NELL1: variants seen among roughly 807,000 people sequenced by gnomAD.
NELL1 encodes neural EGFL like 1, also known as protein kinase C-binding protein NELL1.
Under a neutral mutation model 107.4 loss-of-function variants are expected in NELL1, and 76 were observed. The ratio of observed to expected loss-of-function variants is 0.71; its 90% CI spans 0.59 to 0.86. NELL1 has a LOEUF of 0.86. Among genes scored for constraint, NELL1 ranks in the 40% least tolerant of loss-of-function variants. NELL1 has a pLI of 0.00. For synonymous variants in NELL1, 353 were observed against 341.2 expected (o/e 1.03, Z -0.38); for missense variants, 1,024 against 1,005.5 (o/e 1.02, Z -0.25).
At chr11:20,933,866 T>TAGA (rs1850667970) in intron 9 of NELL1, among the ~76,000 whole-genome samples, 1 of 152,202 alleles carries the variant, frequency 6.6e-6, no homozygotes, top group Admixed American at 6.5e-5. Context: ...GCATAACTCT[T>TAGA]TATATCCTCA....
intron 12 of NELL1, among the ~76,000 whole-genome samples, chr11:20,984,016 A>G (rs1851801647): frequency 1.3e-5 from 2 of 151,962 alleles, no homozygotes; most frequent in East Asian, 1.9e-4. Flanking sequence ...ACTCCTTACT[A>G]GCTTCACTTA....
At chr11:20,780,732 G>T (rs1564906229) in intron 2 of NELL1, among the ~76,000 whole-genome samples, 1 of 152,312 alleles carries the variant, frequency 6.6e-6, no homozygotes, top group East Asian at 1.9e-4. Flanking sequence ...GAGGCCAGAA[G>T]ATTGCATTTA....
intron 10 of NELL1, among the ~76,000 whole-genome samples, chr11:20,944,273 CA>C: frequency 6.6e-6 from 1 of 152,156 alleles, no homozygotes; most frequent in Middle Eastern, 3.4e-3. Flanking sequence ...ACCAATTAGT[CA>C]AAAAACAAAC....
intron 4 of NELL1, among the ~76,000 whole-genome samples, chr11:20,848,943 A>G (rs1243560442): frequency 6.6e-6 from 1 of 152,218 alleles, no homozygotes; most frequent in African/African-American, 2.4e-5. Flanking sequence ...TCCACCAGAT[A>G]TAATAAATAT....
chr11:20,946,415 T>G (rs2134197254), intron 10 of NELL1, among the ~76,000 whole-genome samples: 1 of 152,316 alleles, frequency 6.6e-6, no homozygotes, highest in African/African-American at 2.4e-5. Flanking sequence ...GAATAATTTT[T>G]ACAAATTGGC....
At chr11:21,153,933 T>C (rs932985918) in intron 13 of NELL1, among the ~76,000 whole-genome samples, 3 of 152,292 alleles carry the variant, frequency 2.0e-5, no homozygotes, top group Middle Eastern at 3.4e-3. Flanking sequence ...GAGACAGCCA[T>C]TGATTAATTG....
intron 15 of NELL1, among the ~76,000 whole-genome samples, chr11:21,472,681 T>C (rs975226445): frequency 6.6e-6 from 1 of 152,008 alleles, no homozygotes; most frequent in Non-Finnish European, 1.5e-5. Flanking sequence ...ATACTTATTT[T>C]TTTCTTTTCT....
Position 20,678,980 on chromosome 11 carries a change from A to G in NELL1, c.184+920A>G, listed in dbSNP as rs1464884090. Among the ~76,000 whole-genome samples, 4 of 152,356 alleles carry G rather than the reference A, an allele frequency of 2.6e-5. No individual in the cohort carries two copies. The East Asian group carries it at 7.7e-4, about 29-fold the overall frequency. ...GATGGGGTCTCACAGCATTCTGAAT[A>G]GAGGAAATAGTATATATAAAGGTAA... On this transcript the variant is annotated intron_variant, in intron 2 of 19. Coordinates refer to ENST00000357134, the MANE Select transcript of NELL1 (RefSeq NM_006157.5).
At chr11:21,426,756 ATAT>A (rs1564888427) in intron 15 of NELL1, among the ~76,000 whole-genome samples, 1 of 152,162 alleles carries the variant, frequency 6.6e-6, no homozygotes, top group Non-Finnish European at 1.5e-5. Flanking sequence ...GCTATTGTAA[ATAT>A]TATGGTAATA....
chr11:21,165,668 A>G (rs1399183289), intron 13 of NELL1, among the ~76,000 whole-genome samples: 3 of 149,900 alleles, frequency 2.0e-5, no homozygotes, highest in Admixed American at 2.0e-4. Context: ...TTTGGAAGAT[A>G]CCTAAGTGTC....
chr11:20,753,492 C>A (rs945973652), intron 2 of NELL1, among the ~76,000 whole-genome samples: 4 of 152,074 alleles, frequency 2.6e-5, no homozygotes, highest in African/African-American at 9.7e-5. Context: ...GTCTTTGTGC[C>A]CCTACATTAA....
chr11:20,956,210 C>T (rs1171791205), intron 11 of NELL1, among the ~76,000 whole-genome samples: 1 of 151,684 alleles, frequency 6.6e-6, no homozygotes. Context: ...CAGAGTGAGA[C>T]TTCGTCTCAA....
chr11:21,262,304 T>C (rs1447006070), intron 14 of NELL1, among the ~76,000 whole-genome samples: 2 of 151,774 alleles, frequency 1.3e-5, no homozygotes, highest in East Asian at 3.9e-4. Context: ...GGGGTCCTTT[T>C]TGCCTCTCTG....
chr11:21,234,791 G>A (rs971518203), intron 14 of NELL1, among the ~76,000 whole-genome samples: 7 of 152,134 alleles, frequency 4.6e-5, no homozygotes, highest in African/African-American at 1.7e-4. Flanking sequence ...GTTTGATATA[G>A]ACAGAAAGAG....
intron 14 of NELL1, among the ~76,000 whole-genome samples, chr11:21,320,435 A>G (rs1271328236): frequency 6.6e-6 from 1 of 152,194 alleles, no homozygotes; most frequent in Non-Finnish European, 1.5e-5. Flanking sequence ...GCACTGAGAC[A>G]GTGATGAAGT....
intron 4 of NELL1, among the ~76,000 whole-genome samples, chr11:20,883,216 C>T (rs1328662305): frequency 6.6e-5 from 10 of 152,174 alleles, no homozygotes; most frequent in African/African-American, 2.2e-4. Context: ...GAAATGAGAA[C>T]ACCACTTTGA....
intron 14 of NELL1, among the ~76,000 whole-genome samples, chr11:21,294,864 A>T (rs780310113): frequency 1.8e-4 from 27 of 152,080 alleles, no homozygotes; most frequent in Non-Finnish European, 3.7e-4. Flanking sequence ...AAAAAATACT[A>T]TAGACTCACA....
At chr11:20,803,418 G>A (rs940692009) in intron 3 of NELL1, among the ~76,000 whole-genome samples, 5 of 152,058 alleles carry the variant, frequency 3.3e-5, no homozygotes, top group Non-Finnish European at 7.4e-5. Context: ...TTTCGTCTCT[G>A]ATTTTATTTG....
At chr11:20,923,727 T>G (rs1850430465) in intron 7 of NELL1, among the ~76,000 whole-genome samples, 1 of 152,246 alleles carries the variant, frequency 6.6e-6, no homozygotes, top group African/African-American at 2.4e-5. Context: ...AATCTATGTA[T>G]GCAAATCAAG....
Sources: allele counts gnomAD v4.1 joint callset (sites outside exome capture counted in the v4.1 genomes callset), GRCh38; gene constraint gnomAD v4.1.1; transcripts MANE v1.5; gene names NCBI Gene and HGNC (gene_info 2026-07-23, HGNC 2026-07-21).